Variants in CNTN1 observed in about 807,000 individuals in gnomAD.
CNTN1 encodes contactin 1, also known as contactin-1.
A neutral mutation model predicts 126.4 loss-of-function variants in CNTN1; 38 were observed. That is an observed-to-expected ratio of 0.30 (90% CI 0.23 to 0.39). The LOEUF (loss-of-function observed/expected upper bound fraction) is 0.39. CNTN1 is among the 10% of genes least tolerant of loss of function. The probability of loss-of-function intolerance (pLI) is 1.00; values close to 1 mark genes in which losing one functional copy is unlikely to be tolerated. For missense variants in CNTN1, 1,009 were observed against 1,248.4 expected (o/e 0.81, Z 2.89); for synonymous variants, 413 against 422.6 (o/e 0.98, Z 0.28).
chr12:40,881,115 T>C (rs1254574439), intron 1 of CNTN1, among the ~76,000 whole-genome samples: 3 of 151,898 alleles, frequency 2.0e-5, no homozygotes, highest in South Asian at 2.1e-4. Context: ...TACATCCACA[T>C]AGAATGAGAA....
At chr12:41,035,010 G>A (rs1164940160) in intron 23 of CNTN1, among the ~76,000 whole-genome samples, 3 of 152,154 alleles carry the variant, frequency 2.0e-5, no homozygotes, top group Non-Finnish European at 4.4e-5. Flanking sequence ...CAGAAGCTTT[G>A]AGTACAACTT....
intron 16 of CNTN1, among the ~76,000 whole-genome samples, chr12:40,982,175 T>C (rs1382242549): frequency 1.3e-5 from 2 of 152,130 alleles, no homozygotes; most frequent in Admixed American, 6.6e-5. Context: ...CCCACCTAAG[T>C]GTATAAAGTT....
chr12:40,969,205 C>T (rs372313176), intron 15 of CNTN1, among the ~76,000 whole-genome samples: 1 of 152,046 alleles, frequency 6.6e-6, no homozygotes, highest in Admixed American at 6.6e-5. Context: ...TTGAGGGAGC[C>T]TTTTGTGGGC....
intron 1 of CNTN1, among the ~76,000 whole-genome samples, chr12:40,806,718 A>G (rs1940871646): frequency 6.6e-6 from 1 of 152,096 alleles, no homozygotes. Context: ...GATCTTTAAA[A>G]TTTTAGCTCA....
chr12:40,873,659 A>G lies in CNTN1; in HGVS notation c.-76-34698A>G, dbSNP rs566751964. On this transcript the variant is annotated intron_variant, in intron 1 of 23. Transcript: ENST00000551295. Reference sequence around the variant, plus strand: ...TTTTTGCAGTCCATGATATTTGCCCAAGGATCTTCCTTTTAGAATACAATA... The same window carrying G: ...TTTTTGCAGTCCATGATATTTGCCCGAGGATCTTCCTTTTAGAATACAATA... Among the ~76,000 whole-genome samples, 3 of 152,296 alleles carry G rather than the reference A, an allele frequency of 2.0e-5. No homozygotes were observed. In the East Asian group the frequency reaches 5.8e-4, roughly 29 times the overall value.
intron 23 of CNTN1, among the ~76,000 whole-genome samples, chr12:41,034,029 G>A (rs911805362): frequency 1.4e-4 from 21 of 152,040 alleles, no homozygotes; most frequent in Non-Finnish European, 2.6e-4. Context: ...CAGCCTGGGC[G>A]ACAGAGTGAG....
intron 1 of CNTN1, among the ~76,000 whole-genome samples, chr12:40,869,605 C>T (rs1943418906): frequency 6.6e-6 from 1 of 151,984 alleles, no homozygotes. Flanking sequence ...TTATTATAGT[C>T]AATTCATCAG....
At chr12:40,927,013 C>A (rs1228443912) in intron 6 of CNTN1, among the ~76,000 whole-genome samples, 1 of 151,930 alleles carries the variant, frequency 6.6e-6, no homozygotes, top group Admixed American at 6.6e-5. Flanking sequence ...GGTGGCAGTT[C>A]TATATGTGTG....
intron 23 of CNTN1, among the ~76,000 whole-genome samples, chr12:41,051,307 C>T (rs1949674822): frequency 6.7e-6 from 1 of 150,300 alleles, no homozygotes; most frequent in Non-Finnish European, 1.5e-5. Context: ...GCCACCATGC[C>T]CAGATAATTT....
At chr12:40,866,738 T>G (rs764487993) in intron 1 of CNTN1, among the ~76,000 whole-genome samples, 1 of 152,206 alleles carries the variant, frequency 6.6e-6, no homozygotes, top group Non-Finnish European at 1.5e-5. Flanking sequence ...AATTTTTACA[T>G]TTGTGGATCT....
intron 14 of CNTN1, among the ~76,000 whole-genome samples, chr12:40,952,553 G>A (rs939627618): frequency 7.2e-5 from 11 of 151,868 alleles, no homozygotes; most frequent in Non-Finnish European, 1.3e-4. Context: ...TATTAATAGC[G>A]ACACTAGTAA....
chr12:40,929,488 C>T (rs1945808111), intron 6 of CNTN1, among the ~76,000 whole-genome samples: 1 of 151,952 alleles, frequency 6.6e-6, no homozygotes, highest in Non-Finnish European at 1.5e-5. Context: ...ATAGTCATGA[C>T]ATTCTAAGCA....
intron 16 of CNTN1, among the ~76,000 whole-genome samples, chr12:40,987,631 T>A (rs1183329959): frequency 6.6e-6 from 1 of 152,242 alleles, no homozygotes; most frequent in East Asian, 1.9e-4. Flanking sequence ...ATGTTTATAT[T>A]TAAATTTCTG....
intron 10 of CNTN1, 72 bp from the exon 11 acceptor site, chr12:40,937,498 C>G: frequency 2.9e-6 from 3 of 1,031,084 alleles, no homozygotes; most frequent in East Asian, 2.4e-5. Context: ...AAAAGACAAC[C>G]AAACCCAGAC....
chr12:40,726,874 ACTT>A (rs979678398), intron 1 of CNTN1, among the ~76,000 whole-genome samples: 1 of 151,524 alleles, frequency 6.6e-6, no homozygotes, highest in Non-Finnish European at 1.5e-5. Flanking sequence ...TCTCTAAAAT[ACTT>A]ATGTTTAAAA....
At chr12:40,865,118 C>T (rs1251541526) in intron 1 of CNTN1, among the ~76,000 whole-genome samples, 19 of 152,080 alleles carry the variant, frequency 1.2e-4, no homozygotes, top group East Asian at 1.9e-4. Flanking sequence ...TCTTTTCATG[C>T]GATCATTGTC....
chr12:40,874,858 G>T (rs1943616650), intron 1 of CNTN1, among the ~76,000 whole-genome samples: 1 of 152,164 alleles, frequency 6.6e-6, no homozygotes, highest in Non-Finnish European at 1.5e-5. Context: ...ATTTACATAT[G>T]TTGAATCATT....
chr12:40,954,789 C>T (rs1460580070), intron 14 of CNTN1, among the ~76,000 whole-genome samples: 2 of 152,034 alleles, frequency 1.3e-5, no homozygotes, highest in South Asian at 2.1e-4. Flanking sequence ...TCAAGAAGTA[C>T]AAAACACAGA....
At chr12:41,041,948 C>A (rs1278957232) in intron 23 of CNTN1, among the ~76,000 whole-genome samples, 1 of 151,922 alleles carries the variant, frequency 6.6e-6, no homozygotes, top group East Asian at 1.9e-4. Context: ...TATTTCTTGC[C>A]TTCTGCTAGC....
Sources: allele counts gnomAD v4.1 joint callset (sites outside exome capture counted in the v4.1 genomes callset), GRCh38; gene constraint gnomAD v4.1.1; transcripts MANE v1.5; gene names NCBI Gene and HGNC (gene_info 2026-07-23, HGNC 2026-07-21).